The following DNAH8 variants were observed in gnomAD, a reference collection of about 807,000 sequenced individuals.
DNAH8 encodes dynein axonemal heavy chain 8.
Under a neutral mutation model 562.1 loss-of-function variants are expected in DNAH8, and 382 were observed. The ratio of observed to expected loss-of-function variants is 0.68; its 90% confidence interval spans 0.63 to 0.74. The LOEUF (loss-of-function observed/expected upper bound fraction) is 0.74, where lower values mean the gene tolerates loss of function less well. Among genes scored for constraint, DNAH8 ranks in the 30% least tolerant of loss-of-function variants. The probability of loss-of-function intolerance (pLI) is 0.00; values close to 1 mark genes in which losing one functional copy is unlikely to be tolerated. For missense variants in DNAH8, 5,203 were observed against 5,620.4 expected (o/e 0.93, Z 2.37); for synonymous variants, 1,881 against 1,919.4 (o/e 0.98, Z 0.52).
intron 70 of DNAH8, among the ~76,000 whole-genome samples, chr6:38,920,887 T>C (rs1781648987): frequency 6.6e-6 from 1 of 152,188 alleles, no homozygotes; most frequent in Non-Finnish European, 1.5e-5. Context: ...TATTGAACAT[T>C]AATAATTAAA....
chr6:38,756,385 C>T (rs1399962106), intron 10 of DNAH8, among the ~76,000 whole-genome samples: 1 of 152,106 alleles, frequency 6.6e-6, no homozygotes, highest in Non-Finnish European at 1.5e-5. Context: ...CTACTATTAA[C>T]AGTGCTTCTT....
At chr6:38,733,340 A>G (rs1044812040) in intron 4 of DNAH8, among the ~76,000 whole-genome samples, 1 of 152,368 alleles carries the variant, frequency 6.6e-6, no homozygotes, top group Middle Eastern at 3.4e-3. Context: ...TGATAATTAA[A>G]TGTTTAATTT....
intron 85 of DNAH8, among the ~76,000 whole-genome samples, chr6:38,981,799 C>G (rs1013903357): frequency 3.3e-5 from 5 of 152,198 alleles, no homozygotes; most frequent in African/African-American, 1.2e-4. Flanking sequence ...AGAACTCCAA[C>G]TTGGCAAATC....
In DNAH8 at chr6:38,807,641, A is replaced by C; in HGVS notation, c.3182A>C (p.His1061Pro). Residue 1061 changes from histidine (H) to proline (P), a missense_variant, in exon 24 of 93, where the codon CAT becomes CCT. Around this residue, in one of 6 missense-constraint regions of DNAH8, gnomAD observed 2,176 missense variants for 2,365.1 expected, o/e 0.92. Transcript: ENST00000327475. The stretch of plus-strand genomic sequence containing the variant: ...AAAGAGGTCTTTGCTTTTTTCTCTC[A>C]TCAATTACTAGACAGTCTTCAAAAA... ...ECKEVFAFFS[H>P]QLLDSLQKAT... is the part of the protein sequence containing the mutation. The C allele has an allele frequency of 1.3e-6, 2 of 1,559,792 alleles. No individual in the cohort carries two copies. The highest frequency in any genetic ancestry group is 2.6e-5 in the South Asian group (2 of 77,540).
chr6:38,815,375 C>G (rs768669863), intron 25 of DNAH8, 93 bp from the exon 26 acceptor site: 1 of 1,010,768 alleles, frequency 9.9e-7, no homozygotes, highest in East Asian at 2.4e-5. Context: ...CCAGCCGAGG[C>G]TTGCCCCACT....
chr6:38,873,405 T>G, intron 52 of DNAH8, 29 bp downstream of exon 52: 1 of 1,554,148 alleles, frequency 6.4e-7, no homozygotes, highest in East Asian at 2.3e-5. Flanking sequence ...CATTTACTAC[T>G]TCGATTTTGA....
In DNAH8 at chr6:38,863,739, A is replaced by G. The variant is rs573449140; in HGVS notation, c.6311-134A>G. ...TATCACTGGAATTAAATATGTATTT[A>G]TCAACAGCCAGATATGAAACTTTAC... On this transcript the variant is annotated intron_variant, in intron 44 of 92. Transcript: ENST00000327475. 1.9e-5 allele frequency: 12 copies of G among 645,050 alleles called. No homozygotes were observed. The African/African-American group carries it at 2.1e-4, about 11-fold the overall frequency. The allele number at this position is 645,050 out of a possible 1,614,324, so 40.0% of individuals were successfully genotyped here. A position where few individuals can be genotyped will look rare whatever the true frequency, so the allele number is the denominator to read the frequency against.
In DNAH8 at chr6:38,781,341, C is replaced by T. The variant is rs753499080; in HGVS notation, c.2227C>T (p.Arg743Cys). The change falls in exon 16 of 93, where the codon CGC (arginine) becomes TGC (cysteine). Residue 743 changes from arginine (R) to cysteine (C), a missense_variant. This residue lies in a region of DNAH8 where 2,176 missense variants were observed against 2,365.1 expected (regional missense o/e 0.92). Transcript: ENST00000327475. ...AATACTCTGGGTGAGGCAGCTCTAT[C>T]GCCGGATAAGTGAGCCCATCAATTA... ...GKILWVRQLY[R>C]RISEPINYFF... is the part of the protein sequence containing the mutation. The T allele has an allele frequency of 1.6e-5, 26 of 1,613,562 alleles. No individual in the cohort carries two copies. The highest frequency in any genetic ancestry group is 1.6e-4 in the Middle Eastern group (1 of 6,080).
At chr6:38,900,743 A>C (rs556243943) in intron 62 of DNAH8, among the ~76,000 whole-genome samples, 2 of 152,074 alleles carry the variant, frequency 1.3e-5, no homozygotes, top group Non-Finnish European at 2.9e-5. Context: ...TCAGCTCACG[A>C]GTAGCTGGGA....
chr6:38,886,890 G>A lies in DNAH8; in HGVS notation c.8359G>A (p.Ala2787Thr), dbSNP rs140462076. 4.3e-6 allele frequency: 7 copies of A among 1,614,018 alleles called. No homozygotes were observed. The highest frequency in any genetic ancestry group is 5.9e-6 in the Non-Finnish European group (7 of 1,179,896). Residue 2787 changes from alanine (A) to threonine (T), a missense_variant, in exon 57 of 93, where the codon GCA (alanine) becomes ACA (threonine). By Grantham distance (58) the Ala-to-Thr change is moderately conservative. Coordinates refer to ENST00000327475, the MANE Select transcript of DNAH8 (RefSeq NM_001206927.2). ...TACTATTGTTGATGTGCAGCTCATA[G>A]CAGCAATGATCCACCCTGGAGGTGG... is the stretch of plus-strand genomic sequence containing the variant. ...FTTIVDVQLI[A>T]AMIHPGGGRN... is the part of the protein sequence containing the mutation.
chr6:38,987,793 C>T (rs907672430), intron 87 of DNAH8, among the ~76,000 whole-genome samples: 1 of 152,164 alleles, frequency 6.6e-6, no homozygotes. Context: ...TTGTTGCTTT[C>T]CCTCATTCAT....
chr6:38,800,401 A>G (rs1270690094), intron 21 of DNAH8, among the ~76,000 whole-genome samples: 1 of 149,872 alleles, frequency 6.7e-6, no homozygotes, highest in African/African-American at 2.4e-5. Flanking sequence ...CCATGCCAAC[A>G]CTTGCTATTA....
At chr6:38,965,991 AGAAAG>A (rs1235700793) in intron 82 of DNAH8, among the ~76,000 whole-genome samples, 1 of 152,210 alleles carries the variant, frequency 6.6e-6, no homozygotes, top group Non-Finnish European at 1.5e-5. Flanking sequence ...AGCAGTCAAA[AGAAAG>A]GAAATAATAA....
Position 38,872,970 on chromosome 6 carries a change from C to T in DNAH8, c.7302C>T (p.Ser2434=), listed in dbSNP as rs775873897. The T allele has an allele frequency of 1.9e-6, 3 of 1,613,946 alleles. No homozygotes were observed. The highest frequency in any genetic ancestry group is 1.3e-5 in the African/African-American group (1 of 74,912). ...VDAIWIENLN[S]VLDDNKTLTL... is the part of the protein sequence containing the mutation. ...CCATCTGGATTGAGAACTTAAATTC[C>T]GTTTTGGATGACAATAAAACTCTGA... The change falls in exon 51 of 93, where the codon TCC becomes TCT. Residue 2434 remains serine, a synonymous_variant. Coordinates refer to ENST00000327475, the MANE Select transcript of DNAH8 (RefSeq NM_001206927.2).
At chr6:39,027,975 G>A (rs767543819) in intron 92 of DNAH8, among the ~76,000 whole-genome samples, 1 of 152,062 alleles carries the variant, frequency 6.6e-6, no homozygotes, top group Non-Finnish European at 1.5e-5. Context: ...TGTCAAGTAA[G>A]GGGGCTGGAC....
At chr6:38,852,845 C>T in intron 40 of DNAH8, 47 bp downstream of exon 40, 1 of 1,453,024 alleles carries the variant, frequency 6.9e-7, no homozygotes. Flanking sequence ...TCTTTAAAAA[C>T]TTAGGTTGAG....
At chr6:38,846,622 A>G (rs1775320262) in intron 36 of DNAH8, among the ~76,000 whole-genome samples, 1 of 152,170 alleles carries the variant, frequency 6.6e-6, no homozygotes, top group Non-Finnish European at 1.5e-5. Context: ...AGGTCCTCGG[A>G]TGCATCCTCT....
intron 30 of DNAH8, 83 bp downstream of exon 30, chr6:38,828,371 A>G (rs1307269333): frequency 2.8e-6 from 2 of 724,398 alleles, no homozygotes; most frequent in African/African-American, 1.8e-5. Context: ...TTTAAAGCTT[A>G]ATATACAGTC....
chr6:38,806,872 C>T lies in DNAH8; in HGVS notation c.3151-738C>T, dbSNP rs527412682. Reference sequence around the variant, plus strand: ...ACTAGCCCTGACTGTACCCCACTGCCACATGGAAAATCTTGATATTCCTCT... The same window carrying T: ...ACTAGCCCTGACTGTACCCCACTGCTACATGGAAAATCTTGATATTCCTCT... On this transcript the variant is annotated intron_variant, in intron 23 of 92. Coordinates refer to ENST00000327475, the MANE Select transcript of DNAH8 (RefSeq NM_001206927.2). Among the ~76,000 whole-genome samples, 5 of 152,276 alleles carry T rather than the reference C, an allele frequency of 3.3e-5. No homozygotes were observed. In the South Asian group the frequency reaches 1.0e-3, roughly 32 times the overall value.
Sources: allele counts gnomAD v4.1 joint callset (sites outside exome capture counted in the v4.1 genomes callset), GRCh38; gene constraint gnomAD v4.1.1; regional missense constraint gnomAD v4.1.1; transcripts MANE v1.5; gene names NCBI Gene and HGNC (gene_info 2026-07-23, HGNC 2026-07-21).